LOC131768270: variants seen among roughly 807,000 people sequenced by gnomAD.
the LOC131768270 span, chr5:140,565,697 T>G: frequency 2.6e-6 from 1 of 382,504 alleles, no homozygotes. Context: ...TGGCCCTCAT[T>G]TGAATTCTGT....
the LOC131768270 span, chr5:140,568,410 G>A: frequency 3.6e-6 from 2 of 557,434 alleles, no homozygotes; most frequent in South Asian, 2.2e-5. Context: ...AAGAATTAAG[G>A]TAACATCAAT....
the LOC131768270 span, chr5:140,567,745 C>T: frequency 6.2e-7 from 1 of 1,614,184 alleles, no homozygotes; most frequent in East Asian, 2.2e-5. Flanking sequence ...TGCTGCTCCT[C>T]ATTCTGTACT....
chr5:140,566,857 C>T, the LOC131768270 span: 1 of 608,518 alleles, frequency 1.6e-6, no homozygotes, highest in East Asian at 2.7e-5. Context: ...TTGCTATCTC[C>T]AACTTTCCTG....
chr5:140,567,258 A>G, the LOC131768270 span: 2 of 1,614,196 alleles, frequency 1.2e-6, no homozygotes, highest in Non-Finnish European at 1.7e-6. Flanking sequence ...ACTGCCATGT[A>G]CGGTGCCCAT....
chr5:140,566,032 T>C, the LOC131768270 span: 1 of 398,108 alleles, frequency 2.5e-6, no homozygotes, highest in Non-Finnish European at 4.4e-6. Context: ...CTCTTGAGAG[T>C]GTTAAATGGA....
chr5:140,567,202 G>A, the LOC131768270 span: 1 of 1,613,386 alleles, frequency 6.2e-7, no homozygotes, highest in Non-Finnish European at 8.5e-7. Context: ...TGCCAGGCCT[G>A]GGCCGTCCCA....
At chr5:140,566,470 G>C in the LOC131768270 span, 1 of 400,312 alleles carries the variant, frequency 2.5e-6, no homozygotes, top group Non-Finnish European at 4.4e-6. Context: ...GGGTGAGGAG[G>C]AGCTGGTGGT....
the LOC131768270 span, chr5:140,568,184 TG>T: frequency 6.2e-7 from 1 of 1,613,284 alleles, no homozygotes; most frequent in Admixed American, 1.7e-5. Flanking sequence ...CCCTGTAGAT[TG>T]GGCGCCACCA....
chr5:140,567,234 T>A, the LOC131768270 span: 7 of 1,614,188 alleles, frequency 4.3e-6, no homozygotes, highest in Non-Finnish European at 5.1e-6. Context: ...TGGACCCTGA[T>A]GCTACTCCTA....
the LOC131768270 span, chr5:140,567,736 G>A: frequency 6.2e-7 from 1 of 1,614,146 alleles, no homozygotes; most frequent in Non-Finnish European, 8.5e-7. Flanking sequence ...CGCTAGGCCT[G>A]CTGCTCCTCA....
the LOC131768270 span, chr5:140,565,633 C>A: frequency 7.3e-5 from 23 of 315,236 alleles, no homozygotes; most frequent in Non-Finnish European, 1.2e-4. Flanking sequence ...ATATAAAATT[C>A]TTGTCAAGGT....
chr5:140,568,746 C>CACCT, the LOC131768270 span: 1 of 168,394 alleles, frequency 5.9e-6, no homozygotes, highest in Non-Finnish European at 1.4e-5. Context: ...CTGCTCCCCA[C>CACCT]ACCTAGCCTT....
At chr5:140,567,066 T>C in the LOC131768270 span, 20 of 1,562,500 alleles carry the variant, frequency 1.3e-5, no homozygotes, top group South Asian at 2.1e-4. Context: ...TCTCTGGCAA[T>C]GTTCCACGGC....
chr5:140,567,399 C>T, the LOC131768270 span: 1 of 1,614,034 alleles, frequency 6.2e-7, no homozygotes, highest in Non-Finnish European at 8.5e-7. Context: ...CAAGCATGGC[C>T]CCAGGGGCCC....
the LOC131768270 span, chr5:140,568,129 C>T: frequency 6.2e-7 from 1 of 1,613,416 alleles, no homozygotes; most frequent in Non-Finnish European, 8.5e-7. Flanking sequence ...TGCGCCTGTA[C>T]TATGGCAGCC....
chr5:140,566,027 G>T, the LOC131768270 span: 1 of 398,660 alleles, frequency 2.5e-6, no homozygotes, highest in East Asian at 3.6e-5. Context: ...ACATGCTCTT[G>T]AGAGTGTTAA....
the LOC131768270 span, chr5:140,568,102 G>C: frequency 6.2e-7 from 1 of 1,613,760 alleles, no homozygotes; most frequent in Admixed American, 1.7e-5. Flanking sequence ...TGGCCACATT[G>C]CTCATTGGCC....
chr5:140,565,724 C>G, the LOC131768270 span: 1 of 392,386 alleles, frequency 2.5e-6, no homozygotes, highest in East Asian at 3.6e-5. Flanking sequence ...CAATGCTTGT[C>G]TTTCTTTGCC....
chr5:140,565,245 G>A, the LOC131768270 span: 1 of 222,188 alleles, frequency 4.5e-6, no homozygotes, highest in African/African-American at 2.3e-5. Context: ...CATACATTCT[G>A]AATTTCATAC....
Sources: gnomAD v4.1 joint callset for allele counts on GRCh38, gnomAD v4.1.1 for gene constraint, MANE v1.5 for transcripts.